Variants in B3GALT1 observed in about 807,000 individuals in gnomAD.
B3GALT1 encodes the protein beta-1,3-galactosyltransferase 1, also known as UDP-Gal:betaGlcNAc beta 1,3-galactosyltransferase, polypeptide 1.
A neutral mutation model predicts 23.2 loss-of-function variants in B3GALT1; 10 were observed. The observed-to-expected ratio is 0.43, with a 90% CI of 0.27 to 0.73. B3GALT1 has a LOEUF of 0.73. B3GALT1 is among the 30% of genes least tolerant of loss of function. The probability of loss-of-function intolerance (pLI) is 0.21; values close to 1 mark genes in which losing one functional copy is unlikely to be tolerated. For missense variants in B3GALT1, 299 were observed against 405.4 expected (o/e 0.74, Z 2.25); for synonymous variants, 156 against 141.5 (o/e 1.10, Z -0.73).
At chr2:167,428,398 C>T (rs1698654941) in intron 1 of B3GALT1, among the ~76,000 whole-genome samples, 1 of 152,106 alleles carries the variant, frequency 6.6e-6, no homozygotes, top group Non-Finnish European at 1.5e-5. Flanking sequence ...TGGACAAGAT[C>T]CCATAGCAGC....
At chr2:167,583,625 A>G (rs1387149200) in intron 2 of B3GALT1, among the ~76,000 whole-genome samples, 8 of 152,220 alleles carry the variant, frequency 5.3e-5, no homozygotes, top group Admixed American at 5.2e-4. Flanking sequence ...GAATATTTGA[A>G]TGTCTTAAAA....
intron 1 of B3GALT1, among the ~76,000 whole-genome samples, chr2:167,469,685 A>G (rs1182715309): frequency 2.6e-5 from 4 of 152,204 alleles, no homozygotes; most frequent in African/African-American, 9.6e-5. Context: ...TATATAAACA[A>G]CTTTGATAAT....
intron 3 of B3GALT1, among the ~76,000 whole-genome samples, chr2:167,787,658 G>C (rs1036025556): frequency 3.3e-5 from 5 of 152,230 alleles, no homozygotes; most frequent in African/African-American, 7.2e-5. Context: ...AGCAGACTTA[G>C]TTCTATGACC....
chr2:167,693,002 C>G (rs568640447), intron 3 of B3GALT1, among the ~76,000 whole-genome samples: 59 of 151,562 alleles, frequency 3.9e-4, no homozygotes, highest in African/African-American at 1.4e-3. Context: ...AAGCTGACAG[C>G]ATTATAAGTA....
At chr2:167,391,021 C>G (rs1001457464) in intron 1 of B3GALT1, among the ~76,000 whole-genome samples, 7 of 152,066 alleles carry the variant, frequency 4.6e-5, no homozygotes, top group African/African-American at 1.7e-4. Flanking sequence ...TACTATGAAA[C>G]TTGCTTTAAG....
At chr2:167,649,269 A>G (rs1685812900) in intron 3 of B3GALT1, among the ~76,000 whole-genome samples, 1 of 151,986 alleles carries the variant, frequency 6.6e-6, no homozygotes, top group Admixed American at 6.6e-5. Flanking sequence ...GTAACACAGA[A>G]TTTCCTTCTT....
At chr2:167,674,450 A>T (rs1336084608) in intron 3 of B3GALT1, among the ~76,000 whole-genome samples, 3 of 152,182 alleles carry the variant, frequency 2.0e-5, no homozygotes, top group African/African-American at 7.2e-5. Context: ...TATACTTGTA[A>T]CATAAAATGG....
At position 167,526,642 on chromosome 2, in the gene B3GALT1, C is replaced by T. The variant is rs949325898; in HGVS notation, c.-410+36365C>T. Among the ~76,000 whole-genome samples the T allele has an allele frequency of 1.4e-4, 21 of 152,158 alleles. 1 individual carries two copies. The highest frequency in any genetic ancestry group is 5.9e-4 in the Admixed American group (9 of 15,270). On this transcript the variant is annotated intron_variant, in intron 2 of 4. Transcript: ENST00000392690. The stretch of plus-strand genomic sequence containing the variant: ...TATATGCACACCTGTCTCATAGGCA[C>T]GAGTGCCCAAGAACTCATGCATAGG...
intron 1 of B3GALT1, among the ~76,000 whole-genome samples, chr2:167,429,878 G>A (rs11900099): frequency 0.012 from 1,818 of 152,276 alleles, 39 homozygotes; most frequent in African/African-American, 0.041. Flanking sequence ...TATTCTTCAC[G>A]ATCATTTATT....
intron 1 of B3GALT1, among the ~76,000 whole-genome samples, chr2:167,488,389 C>T (rs1559111716): frequency 2.6e-5 from 4 of 152,180 alleles, no homozygotes; most frequent in Admixed American, 2.0e-4. Flanking sequence ...AGGGCTGTGT[C>T]TATTTTGCTA....
chr2:167,789,519 C>T (rs1018451027), intron 3 of B3GALT1, among the ~76,000 whole-genome samples: 4 of 151,964 alleles, frequency 2.6e-5, no homozygotes, highest in African/African-American at 7.3e-5. Context: ...TTCTAGAGAA[C>T]GGTGGATTCC....
At chr2:167,701,960 T>A (rs2105510354) in intron 3 of B3GALT1, among the ~76,000 whole-genome samples, 1 of 152,338 alleles carries the variant, frequency 6.6e-6, no homozygotes, top group Middle Eastern at 3.4e-3. Context: ...CCACTAAAAT[T>A]TGGCGTGTCA....
At chr2:167,493,338 T>G (rs1003605003) in intron 2 of B3GALT1, among the ~76,000 whole-genome samples, 16 of 152,214 alleles carry the variant, frequency 1.1e-4, no homozygotes, top group Admixed American at 1.0e-3. Flanking sequence ...AATATTTCCA[T>G]TTTCAAATAC....
chr2:167,566,017 C>T (rs931861910), intron 2 of B3GALT1, among the ~76,000 whole-genome samples: 3 of 151,982 alleles, frequency 2.0e-5, no homozygotes, highest in Admixed American at 1.3e-4. Flanking sequence ...ACCCAAAGGA[C>T]TATAAATCAT....
chr2:167,621,203 G>A (rs564033259), intron 2 of B3GALT1, among the ~76,000 whole-genome samples: 1 of 148,302 alleles, frequency 6.7e-6, no homozygotes, highest in Non-Finnish European at 1.5e-5. Flanking sequence ...ATCCTGCCAC[G>A]TCAGCCTCTT....
intron 1 of B3GALT1, among the ~76,000 whole-genome samples, chr2:167,454,232 T>A (rs1039966231): frequency 3.3e-5 from 5 of 150,588 alleles, no homozygotes; most frequent in African/African-American, 2.5e-5. Context: ...CGTGCACGTG[T>A]GTGCATGTAT....
chr2:167,742,768 A>C (rs928719843), intron 3 of B3GALT1, among the ~76,000 whole-genome samples: 1 of 152,164 alleles, frequency 6.6e-6, no homozygotes, highest in African/African-American at 2.4e-5. Context: ...TATGTCATGA[A>C]TAATATGATT....
intron 1 of B3GALT1, among the ~76,000 whole-genome samples, chr2:167,437,335 A>G (rs558072622): frequency 1.3e-5 from 2 of 152,326 alleles, no homozygotes; most frequent in African/African-American, 4.8e-5. Flanking sequence ...GTATATGCAC[A>G]CTAATTTCAA....
chr2:167,676,253 AC>A (rs1405615976), intron 3 of B3GALT1, among the ~76,000 whole-genome samples: 2 of 152,114 alleles, frequency 1.3e-5, no homozygotes, highest in African/African-American at 4.8e-5. Context: ...CTCATAAATA[AC>A]TTTTTTATCC....
Sources: gnomAD v4.1 joint callset for allele counts (sites outside exome capture counted in the v4.1 genomes callset) on GRCh38, gnomAD v4.1.1 for gene constraint, MANE v1.5 for transcripts, NCBI Gene and HGNC (gene_info 2026-07-23, HGNC 2026-07-21) for gene names.